The following SPATA13 variants were observed in gnomAD, a reference collection of about 807,000 sequenced individuals.
SPATA13 encodes the protein spermatogenesis associated 13.
A neutral mutation model predicts 104.0 loss-of-function variants in SPATA13; 50 were observed. The observed-to-expected ratio is 0.48, with a 90% CI of 0.38 to 0.61. The LOEUF (loss-of-function observed/expected upper bound fraction) is 0.61, where lower values mean the gene tolerates loss of function less well. SPATA13 is among the 20% of genes least tolerant of loss of function. The pLI is 0.00. For synonymous variants in SPATA13, 606 were observed against 667.5 expected, an observed-to-expected ratio of 0.91 and a Z score of 1.42; for missense variants, 1,524 against 1,690.6, an observed-to-expected ratio of 0.90 and a Z score of 1.73.
At chr13:24,069,817 C>T (rs767367986) in intron 3 of SPATA13, among the ~76,000 whole-genome samples, 2 of 152,114 alleles carry the variant, frequency 1.3e-5, no homozygotes, top group Non-Finnish European at 1.5e-5. Flanking sequence ...TGTACATAAT[C>T]TAAGACCAAA....
chr13:24,259,874 C>T (rs527464538), intron 4 of SPATA13, among the ~76,000 whole-genome samples: 2 of 152,296 alleles, frequency 1.3e-5, no homozygotes, highest in Admixed American at 1.3e-4. Flanking sequence ...TGGTCTCAAA[C>T]TCCTGGCCTC....
chr13:24,010,973 G>A (rs990194026), intron 2 of SPATA13, among the ~76,000 whole-genome samples: 3 of 152,070 alleles, frequency 2.0e-5, no homozygotes, highest in African/African-American at 7.2e-5. Context: ...CCCTCGGATT[G>A]TCCTAGAGGA....
In SPATA13 at chr13:24,161,065, T is replaced by G; in HGVS notation, c.-112+133T>G. On this transcript the variant is annotated intron_variant, in intron 1 of 12. Transcript: ENST00000382108. This position sits in a 1 kb window ranked among gnomAD's most constrained non-coding sequence, Gnocchi z 4.5. ...ATGTCCAGCTCCCAGCTGCTTGGCC[T>G]CTGCTTCCCCCGCCGGTGGAGGCTA... 4.0e-6 allele frequency: 2 copies of G among 504,930 alleles called. No individual in the cohort carries two copies. Among genetic ancestry groups the G allele is most frequent in the Non-Finnish European group, 5.1e-6 (2 of 390,288 alleles). The allele number at this position is 504,930 out of a possible 1,614,324, so 31.3% of individuals were successfully genotyped here.
chr13:24,122,902 C>T (rs929274070), intron 3 of SPATA13: 19 of 775,526 alleles, frequency 2.4e-5, no homozygotes, highest in African/African-American at 1.9e-4. Flanking sequence ...CAGATTCCCT[C>T]GAGCTGTTGG....
Position 24,142,111 on chromosome 13 carries a change from T to G in SPATA13, c.-111-80708T>G, listed in dbSNP as rs372318619. ...AGTATTAATCATTTGTAGGGAAAGGTTTTTTTTTTTTAGCTTTTTTATGCT... is the reference window on the plus strand; with the variant it reads ...AGTATTAATCATTTGTAGGGAAAGGGTTTTTTTTTTTAGCTTTTTTATGCT... On this transcript the variant is annotated intron_variant, in intron 3 of 14. Coordinates refer to the SPATA13 transcript ENST00000424834. Among the ~76,000 whole-genome samples, 32 of 16,406 alleles carry G rather than the reference T, an allele frequency of 2.0e-3. No homozygotes were observed. In the Admixed American group the frequency reaches 0.033, roughly 17 times the overall value. The allele number at this position is 16,406 out of a possible 152,430, so 10.8% of individuals were successfully genotyped here.
intron 1 of SPATA13, among the ~76,000 whole-genome samples, chr13:24,220,918 G>T (rs540653349): frequency 5.3e-4 from 80 of 152,336 alleles, no homozygotes; most frequent in African/African-American, 1.9e-3. Context: ...GTCAGATTCT[G>T]CACTTGATAG....
intron 3 of SPATA13, among the ~76,000 whole-genome samples, chr13:24,096,396 G>A (rs1593326485): frequency 6.6e-6 from 1 of 152,182 alleles, no homozygotes; most frequent in East Asian, 1.9e-4. Flanking sequence ...AGGGGTTCGA[G>A]ACCAGCCTGG....
At chr13:24,018,461 C>T (rs1431334088) in intron 3 of SPATA13, among the ~76,000 whole-genome samples, 9 of 152,184 alleles carry the variant, frequency 5.9e-5, no homozygotes, top group Non-Finnish European at 1.3e-4. Context: ...TTTTTAAATT[C>T]CTTTTTCTCC....
chr13:24,074,715 A>C (rs969639939), intron 3 of SPATA13, among the ~76,000 whole-genome samples: 1 of 152,246 alleles, frequency 6.6e-6, no homozygotes, highest in Non-Finnish European at 1.5e-5. Context: ...GAAAAACTTC[A>C]GACAATTGGA....
chr13:24,125,542 T>G (rs552626191), intron 3 of SPATA13, among the ~76,000 whole-genome samples: 13 of 152,268 alleles, frequency 8.5e-5, no homozygotes, highest in Non-Finnish European at 1.9e-4. Context: ...GCACAGTTTC[T>G]AAAATTCACC....
intron 10 of SPATA13, among the ~76,000 whole-genome samples, chr13:24,295,237 T>C (rs1876684134): frequency 6.6e-6 from 1 of 152,022 alleles, no homozygotes; most frequent in Admixed American, 6.5e-5. Flanking sequence ...TCCTGTATGA[T>C]CTGGCCAAGA....
chr13:23,986,949 G>A (rs141058350), intron 2 of SPATA13, among the ~76,000 whole-genome samples: 1 of 151,588 alleles, frequency 6.6e-6, no homozygotes, highest in African/African-American at 2.4e-5. Flanking sequence ...TTTACATTAT[G>A]GGAAATTTGA....
chr13:24,017,939 T>C (rs1210990344), intron 3 of SPATA13, among the ~76,000 whole-genome samples: 1 of 152,246 alleles, frequency 6.6e-6, no homozygotes, highest in African/African-American at 2.4e-5. Flanking sequence ...TGAGGCCTCC[T>C]CTTAGCAAAA....
intron 3 of SPATA13, among the ~76,000 whole-genome samples, chr13:24,080,506 G>T (rs1593316552): frequency 6.6e-6 from 1 of 152,220 alleles, no homozygotes; most frequent in East Asian, 1.9e-4. Context: ...TTGGTGGGAA[G>T]GGAGGATGGG....
chr13:24,124,679 A>G (rs533933028), intron 3 of SPATA13, among the ~76,000 whole-genome samples: 57 of 152,314 alleles, frequency 3.7e-4, no homozygotes, highest in African/African-American at 1.4e-3. Context: ...GCAATTCTAT[A>G]TTGTATAGAT....
intron 2 of SPATA13, among the ~76,000 whole-genome samples, chr13:23,996,401 C>A (rs1457337840): frequency 7.7e-5 from 5 of 65,270 alleles, no homozygotes; most frequent in Non-Finnish European, 1.2e-4. Context: ...CAGCAGAGTT[C>A]AATTGGGCAA....
At chr13:24,014,093 C>G (rs1342867547) in intron 2 of SPATA13, among the ~76,000 whole-genome samples, 1 of 152,170 alleles carries the variant, frequency 6.6e-6, no homozygotes, top group Non-Finnish European at 1.5e-5. Flanking sequence ...GCCTCGCTGT[C>G]CTGGAGGCTG....
chr13:24,036,013 C>CAAAAAA (rs56837096), intron 3 of SPATA13, among the ~76,000 whole-genome samples: 5 of 112,502 alleles, frequency 4.4e-5, no homozygotes, highest in African/African-American at 9.6e-5. Flanking sequence ...GACCCTGTCT[C>CAAAAAA]AAAAAAAAAA....
At chr13:23,993,403 A>G (rs1429667289) in intron 2 of SPATA13, among the ~76,000 whole-genome samples, 1 of 152,224 alleles carries the variant, frequency 6.6e-6, no homozygotes, top group Non-Finnish European at 1.5e-5. Flanking sequence ...TGTTCTTCCT[A>G]GCAGTGTACT....
Sources: allele counts gnomAD v4.1 joint callset (sites outside exome capture counted in the v4.1 genomes callset), GRCh38; gene constraint gnomAD v4.1.1; non-coding constraint Gnocchi (gnomAD v3.1); transcripts MANE v1.5; gene names NCBI Gene and HGNC (gene_info 2026-07-23, HGNC 2026-07-21).